The following IL7R variants were observed in gnomAD, a reference collection of about 807,000 sequenced individuals.
The protein encoded by IL7R is interleukin 7 receptor.
IL7R carries 38 observed loss-of-function variants against 47.0 expected under a neutral mutation model. That is an observed-to-expected ratio of 0.81 (90% CI 0.62 to 1.06). The LOEUF (loss-of-function observed/expected upper bound fraction) is 1.06, where lower values mean the gene tolerates loss of function less well. Ranked by LOEUF, IL7R falls within the 50% of genes least tolerant of loss-of-function variation. IL7R has a pLI of 0.00. For missense variants in IL7R, 633 were observed against 534.8 expected (o/e 1.18, Z -1.81); for synonymous variants, 221 against 199.8 (o/e 1.11, Z -0.89).
At chr5:35,866,346 T>A (rs1759939241) in intron 2 of IL7R, among the ~76,000 whole-genome samples, 1 of 152,140 alleles carries the variant, frequency 6.6e-6, no homozygotes, top group Non-Finnish European at 1.5e-5. Flanking sequence ...TTGAGGGATA[T>A]TTGTCTATCA....
rs374161999 is a variant in IL7R, at chr5:35,874,686, C to T, written c.800+144C>T. 105 of 726,850 alleles carry T rather than the reference C, an allele frequency of 1.4e-4. No individual in the cohort carries two copies. The African/African-American group carries it at 1.6e-3, about 11-fold the overall frequency. 45.0% of individuals were successfully genotyped at this position (726,850 alleles called of 1,614,324 possible). On this transcript the variant is annotated intron_variant, in intron 6 of 7. Transcript: ENST00000303115. ...GCCCAGTATCCCTATCTATCCTCAG[C>T]GAATTTCCACAGTTAATTTCATAAG... is the stretch of plus-strand genomic sequence containing the variant.
At position 35,874,536 on chromosome 5, in the gene IL7R, A is replaced by T; in HGVS notation, c.794A>T (p.Lys265Ile). Reference sequence around the variant, plus strand: ...GTCATCTTGGCCTGTGTGTTATGGAAAAAAAGGTGACCTTCTTCAACTAAT... The same window carrying T: ...GTCATCTTGGCCTGTGTGTTATGGATAAAAAGGTGACCTTCTTCAACTAAT... Reference protein sequence around the residue: ...LLVILACVLWKKRIKPIVWPS... With the variant: ...LLVILACVLWIKRIKPIVWPS... The change falls in exon 6 of 8, where the codon AAA becomes ATA. Residue 265 changes from lysine to isoleucine, a missense_variant. By Grantham distance (102) the Lys-to-Ile change is moderately radical. Coordinates refer to ENST00000303115, the MANE Select transcript of IL7R (RefSeq NM_002185.5). 6.2e-7 allele frequency: 1 copy of T among 1,608,956 alleles called. No individual in the cohort carries two copies. Among genetic ancestry groups the T allele is most frequent in the Non-Finnish European group, 8.5e-7 (1 of 1,175,346 alleles).
intron 2 of IL7R, among the ~76,000 whole-genome samples, chr5:35,862,245 C>A (rs1444534320): frequency 6.6e-6 from 1 of 152,048 alleles, no homozygotes; most frequent in Non-Finnish European, 1.5e-5. Context: ...CTCATTCAAA[C>A]AAGGCACTCA....
At chr5:35,875,794 A>G (rs1760191033) in intron 7 of IL7R, 189 bp from the exon 8 acceptor site, 1 of 772,480 alleles carries the variant, frequency 1.3e-6, no homozygotes, top group African/African-American at 1.7e-5. Context: ...GCTGGAGGGC[A>G]CAGCCAGTGG....
Position 35,876,837 on chromosome 5 carries a change from TA to T in IL7R, c.*357del, listed in dbSNP as rs2149906777. The stretch of plus-strand genomic sequence containing the variant: ...ATGAGAGGAAAGAAAGAAAGGAAAA[TA>T]AAAAATGATAGTTGCCATTATTAGG... On this transcript the variant is annotated 3_prime_UTR_variant, in exon 8 of 8. Transcript: ENST00000303115. The T allele has an allele frequency of 2.8e-6, 1 of 354,128 alleles. No individual in the cohort carries two copies. The highest frequency in any genetic ancestry group is 5.2e-6 in the Non-Finnish European group (1 of 192,524). 21.9% of individuals were successfully genotyped at this position (354,128 alleles called of 1,614,324 possible).
chr5:35,876,756 G>A lies in IL7R; in HGVS notation c.*270G>A. 2.0e-6 allele frequency: 1 copy of A among 488,158 alleles called. No individual in the cohort carries two copies. Among genetic ancestry groups the A allele is most frequent in the Non-Finnish European group, 3.7e-6 (1 of 271,614 alleles). 30.2% of individuals were successfully genotyped at this position (488,158 alleles called of 1,614,324 possible). Reference sequence around the variant, plus strand: ...ATTCAGCTATTTAAAAAAAAAAGAGGAAAGAATGAAAGAGTAAAGGAAATG... The same window carrying A: ...ATTCAGCTATTTAAAAAAAAAAGAGAAAAGAATGAAAGAGTAAAGGAAATG... On this transcript the variant is annotated 3_prime_UTR_variant, in exon 8 of 8. Transcript: ENST00000303115.
Position 35,873,594 on chromosome 5 carries a change from A to G in IL7R, c.652A>G (p.Ser218Gly). ...IPDHYFKGFWSEWSPSYYFRT... is the reference protein window; with the variant it reads ...IPDHYFKGFWGEWSPSYYFRT... ...TGATCACTATTTTAAAGGCTTCTGG[A>G]GTGAATGGAGTCCAAGTTATTACTT... is the stretch of plus-strand genomic sequence containing the variant. The change falls in exon 5 of 8, where the codon AGT becomes GGT. Residue 218 changes from serine to glycine, a missense_variant. Transcript: ENST00000303115. 1 of 1,614,024 alleles carries G rather than the reference A, an allele frequency of 6.2e-7. No individual in the cohort carries two copies. Among genetic ancestry groups the G allele is most frequent in the Non-Finnish European group, 8.5e-7 (1 of 1,179,868 alleles).
chr5:35,870,523 A>G (rs11567746), intron 3 of IL7R, among the ~76,000 whole-genome samples: 4 of 152,246 alleles, frequency 2.6e-5, no homozygotes, highest in African/African-American at 9.6e-5. Flanking sequence ...TTTGGGGCTC[A>G]TTAGTAACAA....
At chr5:35,870,226 T>G (rs1347851723) in intron 3 of IL7R, among the ~76,000 whole-genome samples, 2 of 152,244 alleles carry the variant, frequency 1.3e-5, no homozygotes, top group East Asian at 3.9e-4. Flanking sequence ...GGGTTTGTTC[T>G]GCCTGAAATA....
At chr5:35,875,382 C>T (rs577593082) in intron 6 of IL7R, 130 bp from the exon 7 acceptor site, 3 of 741,644 alleles carry the variant, frequency 4.0e-6, no homozygotes, top group Non-Finnish European at 7.3e-6. Context: ...ACCATGGTCA[C>T]CCACCTAATT....
At position 35,867,374 on chromosome 5, in the gene IL7R, A is replaced by C. The variant is rs773973629; in HGVS notation, c.290A>C (p.Lys97Thr). 6 of 1,613,562 alleles carry C rather than the reference A, an allele frequency of 3.7e-6. No individual in the cohort carries two copies. The highest frequency in any genetic ancestry group is 5.1e-6 in the Non-Finnish European group (6 of 1,179,528). Reference protein sequence around the residue: ...KLQEIYFIETKKFLLIGKSNI... With the variant: ...KLQEIYFIETTKFLLIGKSNI... ...CAAGAGATATATTTCATCGAGACAA[A>C]GAAATTCTTACTGATTGGAAAGAGC... The change falls in exon 3 of 8, where the codon AAG (lysine) becomes ACG (threonine). Residue 97 changes from lysine to threonine, a missense_variant. Coordinates refer to ENST00000303115, the MANE Select transcript of IL7R (RefSeq NM_002185.5).
intron 6 of IL7R, among the ~76,000 whole-genome samples, chr5:35,875,148 A>G (rs995486298): frequency 6.6e-6 from 1 of 152,262 alleles, no homozygotes; most frequent in East Asian, 1.9e-4. Flanking sequence ...AGAAATAAAA[A>G]GACAACACTT....
At chr5:35,865,426 G>T (rs928636338) in intron 2 of IL7R, among the ~76,000 whole-genome samples, 15 of 152,276 alleles carry the variant, frequency 9.9e-5, no homozygotes, top group African/African-American at 3.1e-4. Flanking sequence ...TCGTACATGT[G>T]CATGTGTCTT....
chr5:35,868,847 C>G (rs1408802275), intron 3 of IL7R, among the ~76,000 whole-genome samples: 1 of 152,166 alleles, frequency 6.6e-6, no homozygotes. Flanking sequence ...CTCCAGGTGA[C>G]ATCTGCCACC....
At chr5:35,857,359 A>G (rs1759680663) in intron 1 of IL7R, among the ~76,000 whole-genome samples, 1 of 152,110 alleles carries the variant, frequency 6.6e-6, no homozygotes, top group Non-Finnish European at 1.5e-5. Flanking sequence ...TGTAGATGCT[A>G]TGACTGTACT....
In IL7R at chr5:35,876,883, C is replaced by A; in HGVS notation, c.*397C>A. On this transcript the variant is annotated 3_prime_UTR_variant, in exon 8 of 8. Coordinates refer to ENST00000303115, the MANE Select transcript of IL7R (RefSeq NM_002185.5). ...ATTAGGATTTAATATATATCCAGTG[C>A]TTTGCAAGTGCTCTGCGCACCTTGT... is the stretch of plus-strand genomic sequence containing the variant. 3.2e-6 allele frequency: 1 copy of A among 311,684 alleles called. No homozygotes were observed. The highest frequency in any genetic ancestry group is 6.0e-6 in the Non-Finnish European group (1 of 165,870). The allele number at this position is 311,684 out of a possible 1,614,324, so 19.3% of individuals were successfully genotyped here.
intron 1 of IL7R, among the ~76,000 whole-genome samples, chr5:35,858,661 A>G (rs1467861149): frequency 2.0e-5 from 3 of 152,256 alleles, no homozygotes; most frequent in African/African-American, 7.2e-5. Flanking sequence ...TTTTAAAGAG[A>G]AGCTCAAATG....
Position 35,861,638 on chromosome 5 carries a change from T to C in IL7R, c.221+648T>C, listed in dbSNP as rs536567150. The stretch of plus-strand genomic sequence containing the variant: ...CTTCAGATGATCCTCTCAATGTAAA[T>C]TTTCCAAAAATCCACAGGAATAAGT... On this transcript the variant is annotated intron_variant, in intron 2 of 7. Coordinates refer to ENST00000303115, the MANE Select transcript of IL7R (RefSeq NM_002185.5). 5.2e-4 allele frequency among the ~76,000 whole-genome samples: 79 copies of C among 152,248 alleles called. 1 individual carries two copies. Among genetic ancestry groups the C allele is most frequent in the Middle Eastern group, 3.4e-3 (1 of 294 alleles).
At chr5:35,859,480 C>G (rs1759745368) in intron 1 of IL7R, among the ~76,000 whole-genome samples, 1 of 152,060 alleles carries the variant, frequency 6.6e-6, no homozygotes, top group African/African-American at 2.4e-5. Context: ...AGGGCCATAC[C>G]CTGCTGAAAC....
Sources: gnomAD v4.1 joint callset for allele counts (sites outside exome capture counted in the v4.1 genomes callset) on GRCh38, gnomAD v4.1.1 for gene constraint, MANE v1.5 for transcripts, NCBI Gene and HGNC (gene_info 2026-07-23, HGNC 2026-07-21) for gene names.